GREM2: variants seen among roughly 807,000 people sequenced by gnomAD.
GREM2 encodes gremlin-2.
GREM2 carries 11 observed loss-of-function variants against 14.2 expected under a neutral mutation model. The ratio of observed to expected loss-of-function variants is 0.78; its 90% CI spans 0.49 to 1.28. The LOEUF (loss-of-function observed/expected upper bound fraction) is 1.28. GREM2 is among the 50% of genes most tolerant of loss of function. The pLI is 0.00. For missense variants in GREM2, 210 were observed against 218.5 expected (o/e 0.96, Z 0.24); for synonymous variants, 98 against 97.6 (o/e 1.00, Z -0.02).
At chr1:240,601,364 C>A (rs998051828) in intron 1 of GREM2, among the ~76,000 whole-genome samples, 1 of 152,130 alleles carries the variant, frequency 6.6e-6, no homozygotes, top group South Asian at 2.1e-4. Flanking sequence ...ACTACCCACC[C>A]AACATAACCT....
chr1:240,594,881 C>A (rs1244344394), intron 1 of GREM2, among the ~76,000 whole-genome samples: 22 of 152,116 alleles, frequency 1.4e-4, no homozygotes. Context: ...AGGCTACCAA[C>A]CTGTTCAGGA....
chr1:240,578,654 A>G (rs186141795), intron 1 of GREM2, among the ~76,000 whole-genome samples: 9 of 152,018 alleles, frequency 5.9e-5, no homozygotes, highest in Admixed American at 1.3e-4. Context: ...GTGTGTTGGC[A>G]GGCACCTGTA....
chr1:240,548,857 G>A (rs1419582698), intron 1 of GREM2, among the ~76,000 whole-genome samples: 2 of 152,156 alleles, frequency 1.3e-5, no homozygotes, highest in African/African-American at 4.8e-5. Flanking sequence ...ACGGTAAAAA[G>A]AGAACTAGGT....
chr1:240,505,320 C>T (rs1213477144), intron 1 of GREM2, among the ~76,000 whole-genome samples: 2 of 152,020 alleles, frequency 1.3e-5, no homozygotes, highest in South Asian at 2.1e-4. Flanking sequence ...TCTTTATAGC[C>T]GACTAATACA....
At chr1:240,526,759 GA>G (rs35682803) in intron 1 of GREM2, among the ~76,000 whole-genome samples, 42 of 150,802 alleles carry the variant, frequency 2.8e-4, no homozygotes, top group Admixed American at 1.6e-3. Context: ...TCCAAATTAC[GA>G]AAAAAAAATC....
intron 1 of GREM2, chr1:240,531,586 G>A (rs967272490): frequency 9.9e-6 from 9 of 908,618 alleles, no homozygotes; most frequent in African/African-American, 1.8e-5. Flanking sequence ...GAACAGAATA[G>A]TGGAGTTGGT....
In GREM2 at chr1:240,490,415, C is replaced by T. The variant is rs1414465950; in HGVS notation, c.*2554G>A. 6.6e-6 allele frequency: 1 copy of T among 152,654 alleles called. No individual in the cohort carries two copies. Among genetic ancestry groups the T allele is most frequent in the Non-Finnish European group, 1.5e-5 (1 of 68,056 alleles). The allele number at this position is 152,654 out of a possible 1,614,324, so 9.5% of individuals were successfully genotyped here. On this transcript the variant is annotated 3_prime_UTR_variant, in exon 2 of 2. Transcript: ENST00000318160. The stretch of plus-strand genomic sequence containing the variant: ...CTCACCATGGTTGAACAAAAACTCT[C>T]TGAACGCATAGTGCTGCTTCACAGC...
intron 1 of GREM2, among the ~76,000 whole-genome samples, chr1:240,529,239 CTTTT>C (rs36061225): frequency 2.1e-5 from 2 of 96,082 alleles, no homozygotes; most frequent in African/African-American, 8.2e-5. Flanking sequence ...AGTGGATAGG[CTTTT>C]TTTTTTTTTT....
chr1:240,610,374 T>G lies in GREM2; in HGVS notation c.-2+1510A>C, dbSNP rs191818601. Among the ~76,000 whole-genome samples, 4 of 152,318 alleles carry G rather than the reference T, an allele frequency of 2.6e-5. No homozygotes were observed. In the East Asian group the frequency reaches 7.7e-4, roughly 29 times the overall value. On this transcript the variant is annotated intron_variant, in intron 1 of 1. Transcript: ENST00000318160. ...TTGCCATGTCTATACTTTGACACGA[T>G]TTCAAAAAGCACCCAGTTAAATCAT... is the stretch of plus-strand genomic sequence containing the variant.
At chr1:240,575,222 G>A (rs1679338452) in intron 1 of GREM2, among the ~76,000 whole-genome samples, 2 of 152,122 alleles carry the variant, frequency 1.3e-5, no homozygotes, top group Non-Finnish European at 2.9e-5. Context: ...ATTTAACTGT[G>A]ATAGTATTCA....
At chr1:240,510,351 C>T (rs1236134459) in intron 1 of GREM2, among the ~76,000 whole-genome samples, 3 of 110,462 alleles carry the variant, frequency 2.7e-5, no homozygotes, top group East Asian at 3.0e-4. Flanking sequence ...GCCTGGGCGA[C>T]AGAGCGAGAC....
intron 1 of GREM2, among the ~76,000 whole-genome samples, chr1:240,606,724 G>C (rs1190537116): frequency 1.3e-5 from 2 of 150,374 alleles, no homozygotes; most frequent in Non-Finnish European, 2.9e-5. Flanking sequence ...TGTTGCCCAG[G>C]CTGGAGTGCA....
chr1:240,516,748 G>A (rs1006921056), intron 1 of GREM2, among the ~76,000 whole-genome samples: 2 of 152,088 alleles, frequency 1.3e-5, no homozygotes, highest in Non-Finnish European at 2.9e-5. Flanking sequence ...CAGGGTTTTA[G>A]AGACCTAGAA....
At chr1:240,521,423 T>C (rs978892749) in intron 1 of GREM2, among the ~76,000 whole-genome samples, 1 of 151,154 alleles carries the variant, frequency 6.6e-6, no homozygotes, top group African/African-American at 2.5e-5. Context: ...AAAAAACAAT[T>C]AGCCGGGCAT....
intron 1 of GREM2, among the ~76,000 whole-genome samples, chr1:240,602,026 A>T (rs933332748): frequency 7.2e-5 from 11 of 152,084 alleles, no homozygotes; most frequent in Non-Finnish European, 1.3e-4. Context: ...CAAAAGCAAT[A>T]CCTTCCAAAA....
intron 1 of GREM2, among the ~76,000 whole-genome samples, chr1:240,514,964 AC>A (rs1441695405): frequency 1.2e-5 from 1 of 85,158 alleles, no homozygotes; most frequent in Admixed American, 1.1e-4. Flanking sequence ...ACAAACAAAC[AC>A]AAAAAAAAAA....
chr1:240,588,122 T>C (rs914833847), intron 1 of GREM2, among the ~76,000 whole-genome samples: 3 of 152,206 alleles, frequency 2.0e-5, no homozygotes, highest in African/African-American at 7.2e-5. Context: ...TCTTGGTTTT[T>C]GTTACCTCCC....
intron 1 of GREM2, among the ~76,000 whole-genome samples, chr1:240,525,438 T>G (rs2103308168): frequency 6.6e-6 from 1 of 152,232 alleles, no homozygotes; most frequent in African/African-American, 2.4e-5. Context: ...GGATTTGTTT[T>G]CTATGGCAGC....
At position 240,559,562 on chromosome 1, in the gene GREM2, TTGAACTCC is replaced by T. The variant is rs529835035; in HGVS notation, c.-2+52314_-2+52321del. ...TTTCGCCATGTTGACCAGGCTGGTC[TTGAACTCC>T]TGACCTTAGGTGATCCACCCATCTC... On this transcript the variant is annotated intron_variant, in intron 1 of 1. Transcript: ENST00000318160. Among the ~76,000 whole-genome samples the T allele has an allele frequency of 2.8e-3, 421 of 152,176 alleles. 3 individuals are homozygous for T. The highest frequency in any genetic ancestry group is 9.8e-3 in the African/African-American group (407 of 41,524).
Sources: gnomAD v4.1 joint callset for allele counts (sites outside exome capture counted in the v4.1 genomes callset) on GRCh38, gnomAD v4.1.1 for gene constraint, MANE v1.5 for transcripts, NCBI Gene and HGNC (gene_info 2026-07-23, HGNC 2026-07-21) for gene names.